The following KNTC1 variants were observed in gnomAD, a reference collection of about 807,000 sequenced individuals.
KNTC1 encodes the protein kinetochore-associated protein 1.
Under a neutral mutation model 314.4 loss-of-function variants are expected in KNTC1, and 253 were observed. The observed-to-expected ratio is 0.80, with a 90% CI of 0.73 to 0.89. KNTC1 has a LOEUF of 0.89. Ranked by LOEUF, KNTC1 falls within the 40% of genes least tolerant of loss-of-function variation. The pLI is 0.00. For synonymous variants in KNTC1, 901 were observed against 901.4 expected, an observed-to-expected ratio of 1.00 and a Z score of 0.01; for missense variants, 2,475 against 2,572.9, an observed-to-expected ratio of 0.96 and a Z score of 0.82.
In KNTC1 at chr12:122,572,980, T is replaced by G; in HGVS notation, c.2063T>G (p.Leu688Trp). The G allele has an allele frequency of 1.9e-6, 3 of 1,605,552 alleles. No homozygotes were observed. Among genetic ancestry groups the G allele is most frequent in the Non-Finnish European group, 2.6e-6 (3 of 1,174,486 alleles). ...NTEEVCQLRT[L>W]VNNLRELITL... ...GAGGAAGTATGTCAGCTAAGGACTT[T>G]GGTAAATAACTTGCGAGAGTTGATC... is the stretch of plus-strand genomic sequence containing the variant. Residue 688 changes from leucine (L) to tryptophan (W), a missense_variant, in exon 25 of 64, where the codon TTG becomes TGG. Transcript: ENST00000333479.
chr12:122,570,721 C>CTACTACGTGCACA (rs1964630810), intron 22 of KNTC1, among the ~76,000 whole-genome samples, 155 bp from the exon 23 acceptor site: 1 of 152,152 alleles, frequency 6.6e-6, no homozygotes, highest in Admixed American at 6.5e-5. Flanking sequence ...GTATGTACAC[C>CTACTACGTGCACA]TACTACGTGC....
At chr12:122,594,542 C>G (rs1211023182) in intron 43 of KNTC1, among the ~76,000 whole-genome samples, 157 bp downstream of exon 43, 2 of 152,192 alleles carry the variant, frequency 1.3e-5, no homozygotes, top group Non-Finnish European at 2.9e-5. Context: ...AGATTAGAGT[C>G]TCTTATGATA....
chr12:122,602,451 T>G (rs940879391), intron 45 of KNTC1, 118 bp from the exon 46 acceptor site: 30 of 624,418 alleles, frequency 4.8e-5, no homozygotes, highest in Non-Finnish European at 7.5e-5. Context: ...TTGATCCTCT[T>G]TCTGAAAACA....
rs758544440 is a variant in KNTC1 at position 122,568,663 on chromosome 12, C to A, written c.1716+291C>A. Among the ~76,000 whole-genome samples, 3 of 152,058 alleles carry A rather than the reference C, an allele frequency of 2.0e-5. 1 individual carries two copies. Among genetic ancestry groups the A allele is most frequent in the African/African-American group, 7.2e-5 (3 of 41,402 alleles). Reference sequence around the variant, plus strand: ...ACCAGCCTGGTCAACATGGTGAATCCGTGTCTCTACCAAAAATAAAAAAGT... The same window carrying A: ...ACCAGCCTGGTCAACATGGTGAATCAGTGTCTCTACCAAAAATAAAAAAGT... On this transcript the variant is annotated intron_variant, in intron 21 of 63. Coordinates refer to ENST00000333479, the MANE Select transcript of KNTC1 (RefSeq NM_014708.6).
intron 18 of KNTC1, among the ~76,000 whole-genome samples, chr12:122,559,210 T>C (rs1198148760): frequency 6.6e-6 from 1 of 151,838 alleles, no homozygotes; most frequent in Non-Finnish European, 1.5e-5. Context: ...CAAAAAATTA[T>C]CCAGGCATGG....
At chr12:122,567,185 C>G (rs990246493) in intron 20 of KNTC1, among the ~76,000 whole-genome samples, 3 of 151,928 alleles carry the variant, frequency 2.0e-5, no homozygotes, top group African/African-American at 2.4e-5. Context: ...TCAATTCTGC[C>G]TCAGCCTCCC....
intron 22 of KNTC1, 137 bp from the exon 23 acceptor site, chr12:122,570,739 C>G: frequency 1.6e-6 from 1 of 641,816 alleles, no homozygotes; most frequent in Non-Finnish European, 2.7e-6. Flanking sequence ...TGCCCACACA[C>G]AAGCAAAAAA....
intron 44 of KNTC1, among the ~76,000 whole-genome samples, chr12:122,599,658 A>G (rs1265543800): frequency 6.6e-6 from 1 of 152,070 alleles, no homozygotes; most frequent in Non-Finnish European, 1.5e-5. Context: ...GCCTGGAAAT[A>G]AAATTTTAAG....
At chr12:122,532,704 A>G (rs1056521813) in intron 2 of KNTC1, among the ~76,000 whole-genome samples, 1 of 152,208 alleles carries the variant, frequency 6.6e-6, no homozygotes, top group African/African-American at 2.4e-5. Flanking sequence ...TCTGAGCCCA[A>G]TATTAGGAAC....
rs539019787 is a variant in KNTC1, at chr12:122,532,270, G to A, written c.129+2078G>A. Among the ~76,000 whole-genome samples, 336 of 144,312 alleles carry A rather than the reference G, an allele frequency of 2.3e-3. 3 individuals carry two copies. The highest frequency in any genetic ancestry group is 8.4e-3 in the African/African-American group (324 of 38,530). The allele number at this position is 144,312 out of a possible 152,430, so 94.7% of individuals were successfully genotyped here. On this transcript the variant is annotated intron_variant, in intron 2 of 63. Transcript: ENST00000333479. ...TGTCACCAGGCTGGAGTGCAGTGGC[G>A]TGATCTTGGCTCATTGCAACCTCCG...
chr12:122,572,075 G>A (rs902942331), intron 24 of KNTC1, among the ~76,000 whole-genome samples: 7 of 152,108 alleles, frequency 4.6e-5, no homozygotes, highest in Non-Finnish European at 5.9e-5. Flanking sequence ...TTCTGCATTA[G>A]CAGCATTTCA....
intron 44 of KNTC1, 108 bp downstream of exon 44, chr12:122,598,046 T>C (rs184518639): frequency 1.3e-6 from 1 of 771,874 alleles, no homozygotes; most frequent in East Asian, 2.7e-5. Context: ...TTTTATCAAC[T>C]TTTAATTTGA....
In KNTC1 at chr12:122,534,766, C is replaced by G; in HGVS notation, c.232C>G (p.Gln78Glu). 6.2e-7 allele frequency: 1 copy of G among 1,612,744 alleles called. No homozygotes were observed. The highest frequency in any genetic ancestry group is 2.2e-5 in the East Asian group (1 of 44,848). ...ILLDSICRSL[Q>E]LHLVFDTEVD... is the part of the protein sequence containing the mutation. ...GCTTGACAGTATTTGTAGATCACTT[C>G]AATTGCATCTTGTCTTTGGTAAGTA... Residue 78 changes from glutamine (Q) to glutamate (E), a missense_variant, in exon 3 of 64, where the codon CAA (glutamine) becomes GAA (glutamate). Transcript: ENST00000333479.
intron 48 of KNTC1, among the ~76,000 whole-genome samples, chr12:122,604,159 C>G (rs1872307736): frequency 6.7e-6 from 1 of 149,492 alleles, no homozygotes; most frequent in Admixed American, 6.7e-5. Context: ...ATGAGAGGGC[C>G]CCGGTGGGCT....
chr12:122,585,803 A>C (rs376904415), intron 37 of KNTC1, 29 bp downstream of exon 37: 1 of 1,606,918 alleles, frequency 6.2e-7, no homozygotes, highest in African/African-American at 1.3e-5. Context: ...ATTATTTTCT[A>C]TGTGTTTCTG....
In KNTC1 at chr12:122,615,046, T is replaced by A; in HGVS notation, c.5933T>A (p.Leu1978His). 1 of 1,613,698 alleles carries A rather than the reference T, an allele frequency of 6.2e-7. No individual in the cohort carries two copies. Among genetic ancestry groups the A allele is most frequent in the East Asian group, 2.2e-5 (1 of 44,884 alleles). ...CLEYKIYDLQ[L>H]WNGLLQKLLG... ...GAATACAAAATCTATGACCTGCAGC[T>A]TTGGAATGGACTCTTGCAAAAGCTT... is the stretch of plus-strand genomic sequence containing the variant. The change falls in exon 56 of 64, where the codon CTT becomes CAT. Residue 1978 changes from leucine (L) to histidine (H), a missense_variant. Coordinates refer to ENST00000333479, the MANE Select transcript of KNTC1 (RefSeq NM_014708.6).
At chr12:122,546,866 CTT>C (rs1962810271) in intron 10 of KNTC1, among the ~76,000 whole-genome samples, 192 bp downstream of exon 10, 2 of 145,728 alleles carry the variant, frequency 1.4e-5, no homozygotes, top group African/African-American at 2.5e-5. Flanking sequence ...GAGTTTCGCT[CTT>C]GTTTCCCAGG....
chr12:122,549,976 A>C (rs1593515919), intron 13 of KNTC1, 112 bp downstream of exon 13: 1 of 596,810 alleles, frequency 1.7e-6, no homozygotes, highest in East Asian at 3.0e-5. Flanking sequence ...AGTGGAACCT[A>C]GTGGAAACCT....
At chr12:122,602,439 T>C in intron 45 of KNTC1, 130 bp from the exon 46 acceptor site, 1 of 602,540 alleles carries the variant, frequency 1.7e-6, no homozygotes, top group Non-Finnish European at 2.9e-6. Flanking sequence ...CTAGAAAAGG[T>C]TTTGATCCTC....
Sources: gnomAD v4.1 joint callset for allele counts (sites outside exome capture counted in the v4.1 genomes callset) on GRCh38, gnomAD v4.1.1 for gene constraint, MANE v1.5 for transcripts, NCBI Gene and HGNC (gene_info 2026-07-23, HGNC 2026-07-21) for gene names.